The following STK32B variants were observed in gnomAD, a reference collection of about 807,000 sequenced individuals.
The protein encoded by STK32B is serine/threonine-protein kinase 32B.
STK32B carries 43 observed loss-of-function variants against 52.6 expected under a neutral mutation model. The ratio of observed to expected loss-of-function variants is 0.82; its 90% CI spans 0.64 to 1.05. The LOEUF (loss-of-function observed/expected upper bound fraction) is 1.05, where lower values mean the gene tolerates loss of function less well. Ranked by LOEUF, STK32B falls within the 50% of genes least tolerant of loss-of-function variation. The pLI, the probability that STK32B is intolerant of heterozygous loss-of-function variation, is 0.00. For missense variants in STK32B, 621 were observed against 534.6 expected, an observed-to-expected ratio of 1.16 and a Z score of -1.59; for synonymous variants, 238 against 204.3, an observed-to-expected ratio of 1.17 and a Z score of -1.41.
intron 3 of STK32B, among the ~76,000 whole-genome samples, chr4:5,323,402 G>A (rs531134141): frequency 6.6e-6 from 1 of 152,268 alleles, no homozygotes; most frequent in South Asian, 2.1e-4. Context: ...ACTGTGCTGA[G>A]CACGGCTGCT....
intron 4 of STK32B, chr4:5,345,200 A>T (rs986841658): frequency 2.0e-5 from 3 of 151,894 alleles, no homozygotes; most frequent in African/African-American, 7.3e-5. Context: ...TTTTTTTGCT[A>T]TGACAGTATA....
intron 7 of STK32B, among the ~76,000 whole-genome samples, chr4:5,454,678 A>G (rs984032957): frequency 2.6e-5 from 4 of 152,150 alleles, no homozygotes; most frequent in Non-Finnish European, 2.9e-5. Flanking sequence ...CTTTCACCTC[A>G]GTGCCCAGCT....
At chr4:5,311,914 A>ATATTTT (rs143725868) in intron 3 of STK32B, among the ~76,000 whole-genome samples, 3 of 145,410 alleles carry the variant, frequency 2.1e-5, no homozygotes, top group African/African-American at 7.8e-5. Context: ...ATATATATAT[A>ATATTTT]TTTTTTTTTA....
At chr4:5,059,388 A>G (rs1742132599) in intron 1 of STK32B, among the ~76,000 whole-genome samples, 2 of 152,128 alleles carry the variant, frequency 1.3e-5, no homozygotes, top group South Asian at 2.1e-4. Context: ...GTTTCCTTCT[A>G]TCCTGATTTG....
At chr4:5,044,022 C>T in the STK32B span, among the ~76,000 whole-genome samples, 2 of 152,300 alleles carry the variant, frequency 1.3e-5, no homozygotes, top group East Asian at 1.9e-4. Context: ...AACAAACACG[C>T]ACTGATGGTT....
chr4:5,270,173 A>G (rs1253987195), intron 3 of STK32B, among the ~76,000 whole-genome samples: 1 of 152,168 alleles, frequency 6.6e-6, no homozygotes, highest in Non-Finnish European at 1.5e-5. Flanking sequence ...GGATAGATGT[A>G]TATATAAAGA....
chr4:5,210,390 T>G (rs1429802361), intron 3 of STK32B, among the ~76,000 whole-genome samples: 2 of 152,196 alleles, frequency 1.3e-5, no homozygotes, highest in South Asian at 2.1e-4. Context: ...CTTCTTGCCC[T>G]TCTTTGTCCC....
At chr4:5,108,951 T>G (rs77732340) in intron 1 of STK32B, among the ~76,000 whole-genome samples, 43 of 152,348 alleles carry the variant, frequency 2.8e-4, no homozygotes, top group Non-Finnish European at 4.0e-4. Context: ...GCAATTTCTA[T>G]GCAAACACTC....
the STK32B span, among the ~76,000 whole-genome samples, chr4:5,026,916 C>A: frequency 1.3e-5 from 2 of 152,318 alleles, no homozygotes; most frequent in African/African-American, 4.8e-5. Context: ...TTGCACTAGA[C>A]CACACGAAGA....
At chr4:5,045,133 G>T in the STK32B span, among the ~76,000 whole-genome samples, 3 of 152,212 alleles carry the variant, frequency 2.0e-5, no homozygotes, top group African/African-American at 7.2e-5. Context: ...CCTGTTCAGA[G>T]CCCTCCAGTG....
intron 4 of STK32B, among the ~76,000 whole-genome samples, chr4:5,334,710 C>A (rs1433312210): frequency 6.6e-6 from 1 of 150,424 alleles, no homozygotes; most frequent in Non-Finnish European, 1.5e-5. Flanking sequence ...TTGTCAAAGG[C>A]CTTTTCTGCA....
chr4:5,140,738 G>A (rs1267677946), intron 2 of STK32B, among the ~76,000 whole-genome samples: 1 of 152,064 alleles, frequency 6.6e-6, no homozygotes, highest in Admixed American at 6.6e-5. Context: ...TTAAGAAGTT[G>A]GATAGACCCA....
intron 3 of STK32B, among the ~76,000 whole-genome samples, chr4:5,248,207 G>A (rs552521635): frequency 6.6e-6 from 1 of 152,190 alleles, no homozygotes; most frequent in African/African-American, 2.4e-5. Flanking sequence ...GTATAACACA[G>A]TTGTGAGTGG....
intron 4 of STK32B, among the ~76,000 whole-genome samples, chr4:5,361,025 A>G (rs925015002): frequency 8.5e-5 from 13 of 152,150 alleles, no homozygotes; most frequent in African/African-American, 2.7e-4. Context: ...CTCTGTCTCT[A>G]TGATTTTGAC....
intron 2 of STK32B, among the ~76,000 whole-genome samples, chr4:5,157,955 C>A (rs1405340675): frequency 2.6e-5 from 4 of 152,150 alleles, no homozygotes; most frequent in Admixed American, 2.6e-4. Flanking sequence ...AGGTTGGAAT[C>A]CATTTCTTTT....
At chr4:5,482,604 C>A (rs1718810615) in intron 11 of STK32B, among the ~76,000 whole-genome samples, 1 of 152,098 alleles carries the variant, frequency 6.6e-6, no homozygotes, top group Admixed American at 6.6e-5. Flanking sequence ...ATTGCCCTGG[C>A]CAGAACTTCC....
chr4:5,186,180 C>T (rs1720721818), intron 3 of STK32B, among the ~76,000 whole-genome samples: 1 of 152,136 alleles, frequency 6.6e-6, no homozygotes, highest in Admixed American at 6.5e-5. Context: ...TAGTCCAGGC[C>T]TCACCTCCTC....
chr4:5,263,678 T>TACC (rs1726875037), intron 3 of STK32B, among the ~76,000 whole-genome samples: 1 of 152,226 alleles, frequency 6.6e-6, no homozygotes. Context: ...GCAGACATCT[T>TACC]AGTGTCCTGT....
At chr4:5,090,201 G>A (rs567123932) in intron 1 of STK32B, among the ~76,000 whole-genome samples, 2 of 152,060 alleles carry the variant, frequency 1.3e-5, no homozygotes, top group South Asian at 4.2e-4. Context: ...CTGTGCAGAA[G>A]CTCTTTAGTT....
Sources: allele counts gnomAD v4.1 joint callset (sites outside exome capture counted in the v4.1 genomes callset), GRCh38; gene constraint gnomAD v4.1.1; transcripts MANE v1.5; gene names NCBI Gene and HGNC (gene_info 2026-07-23, HGNC 2026-07-21).